The following PRKG1 variants were observed in gnomAD, a reference collection of about 807,000 sequenced individuals.
The protein encoded by PRKG1 is cGMP-dependent protein kinase 1.
Under a neutral mutation model 88.1 loss-of-function variants are expected in PRKG1, and 35 were observed. That is an observed-to-expected ratio of 0.40 (90% CI 0.30 to 0.53). PRKG1 has a LOEUF of 0.53. Among genes scored for constraint, PRKG1 ranks in the 20% least tolerant of loss-of-function variants. PRKG1 has a pLI of 0.59. For synonymous variants in PRKG1, 303 were observed against 292.5 expected (o/e 1.04, Z -0.37); for missense variants, 540 against 839.8 (o/e 0.64, Z 4.41).
intron 3 of PRKG1, among the ~76,000 whole-genome samples, chr10:51,485,245 T>C (rs1404900888): frequency 1.3e-5 from 2 of 152,222 alleles, no homozygotes; most frequent in African/African-American, 4.8e-5. Context: ...CTTGGTTAAC[T>C]GTAGTTACAT....
At chr10:52,021,155 TC>T (rs1401618457) in intron 5 of PRKG1, among the ~76,000 whole-genome samples, 2 of 152,174 alleles carry the variant, frequency 1.3e-5, no homozygotes, top group African/African-American at 4.8e-5. Flanking sequence ...CTACAAATTC[TC>T]AACTGCCAGA....
At chr10:51,982,420 G>T (rs546566740) in intron 5 of PRKG1, among the ~76,000 whole-genome samples, 2 of 152,144 alleles carry the variant, frequency 1.3e-5, no homozygotes, top group Non-Finnish European at 2.9e-5. Context: ...TTCTTGAGCT[G>T]GTTCTTTCTT....
At chr10:51,321,002 G>C (rs1399265374) in intron 2 of PRKG1, among the ~76,000 whole-genome samples, 1 of 152,114 alleles carries the variant, frequency 6.6e-6, no homozygotes, top group African/African-American at 2.4e-5. Flanking sequence ...GATAAGGTCA[G>C]ATACTTCAGA....
chr10:52,168,189 G>T (rs985009147), intron 9 of PRKG1, among the ~76,000 whole-genome samples: 1 of 152,170 alleles, frequency 6.6e-6, no homozygotes, highest in Non-Finnish European at 1.5e-5. Flanking sequence ...GGGGACTGAG[G>T]CATATGTTAA....
At chr10:52,128,557 C>A in intron 7 of PRKG1, 1 of 985,320 alleles carries the variant, frequency 1.0e-6, no homozygotes, top group South Asian at 4.7e-5. Flanking sequence ...TGCACGGAAA[C>A]CTATATTTGC....
rs566873905 is a variant in PRKG1 at position 51,994,620 on chromosome 10, A to G, written c.763-59864A>G. On this transcript the variant is annotated intron_variant, in intron 5 of 17. Coordinates refer to ENST00000373980, the MANE Select transcript of PRKG1 (RefSeq NM_006258.4). ...GAGAAAGACTGAGATGTCCTTAAGG[A>G]GCCTTAGTCCTTAGGTCCGTAGTGC... is the stretch of plus-strand genomic sequence containing the variant. Among the ~76,000 whole-genome samples, 3 of 152,230 alleles carry G rather than the reference A, an allele frequency of 2.0e-5. No individual in the cohort carries two copies. The South Asian group carries it at 6.2e-4, about 32-fold the overall frequency.
At chr10:51,138,021 T>C (rs1845729059) in intron 1 of PRKG1, among the ~76,000 whole-genome samples, 1 of 152,204 alleles carries the variant, frequency 6.6e-6, no homozygotes, top group Non-Finnish European at 1.5e-5. Flanking sequence ...TATGTATTGG[T>C]GGTTCCAAAA....
chr10:51,467,877 T>G (rs1444122523), intron 3 of PRKG1, 41 bp downstream of exon 3: 1 of 1,472,460 alleles, frequency 6.8e-7, no homozygotes, highest in Non-Finnish European at 9.5e-7. Flanking sequence ...TTCAATGTCT[T>G]TTCCCTAGGC....
At position 51,083,422 on chromosome 10, in the gene PRKG1, T is replaced by C. The variant is rs574570560; in HGVS notation, c.311+8521T>C. On this transcript the variant is annotated intron_variant, in intron 1 of 17. Transcript: ENST00000373980. ...CAGCTCCTGCTATCCAATGCTAAGT[T>C]GAAGGTGAAACAATGATGAGCGCCT... is the stretch of plus-strand genomic sequence containing the variant. 8.0e-4 allele frequency among the ~76,000 whole-genome samples: 122 copies of C among 152,236 alleles called. 1 individual carries two copies. Among genetic ancestry groups the C allele is most frequent in the African/African-American group, 2.9e-3 (120 of 41,534 alleles).
intron 5 of PRKG1, among the ~76,000 whole-genome samples, chr10:51,969,136 A>C (rs1224177309): frequency 2.0e-5 from 3 of 152,180 alleles, no homozygotes; most frequent in South Asian, 2.1e-4. Flanking sequence ...GTGTGTGCTC[A>C]ATTATGATAT....
intron 5 of PRKG1, among the ~76,000 whole-genome samples, chr10:52,040,532 T>C (rs549220925): frequency 3.9e-4 from 59 of 152,352 alleles, no homozygotes; most frequent in Non-Finnish European, 7.3e-4. Context: ...AAGTTTAAAA[T>C]AGATTTTTGG....
intron 3 of PRKG1, among the ~76,000 whole-genome samples, chr10:51,729,706 C>CAAAAAAAAAA (rs34900286): frequency 2.4e-4 from 7 of 28,774 alleles, no homozygotes; most frequent in African/African-American, 8.0e-4. Flanking sequence ...GACTCCATCT[C>CAAAAAAAAAA]AAAAAAAAAA....
At chr10:52,120,865 C>G (rs1847805242) in intron 7 of PRKG1, among the ~76,000 whole-genome samples, 1 of 152,190 alleles carries the variant, frequency 6.6e-6, no homozygotes, top group Non-Finnish European at 1.5e-5. Flanking sequence ...TAGGCATTGC[C>G]CTAGCAGTGG....
intron 7 of PRKG1, among the ~76,000 whole-genome samples, chr10:52,108,835 T>TC (rs541066300): frequency 0.17 from 25,056 of 148,792 alleles, 2,547 homozygotes; most frequent in South Asian, 0.28. Flanking sequence ...CTTTTTTTTT[T>TC]TTTTTTTTTG....
At chr10:51,434,997 T>G (rs1398120197) in intron 2 of PRKG1, among the ~76,000 whole-genome samples, 2 of 152,130 alleles carry the variant, frequency 1.3e-5, no homozygotes, top group Non-Finnish European at 2.9e-5. Context: ...ACTTTGTGTG[T>G]GCCGAAGAAC....
At chr10:51,135,583 G>A (rs1845666950) in intron 1 of PRKG1, among the ~76,000 whole-genome samples, 1 of 152,082 alleles carries the variant, frequency 6.6e-6, no homozygotes, top group Admixed American at 6.5e-5. Context: ...GTTTAGAGAA[G>A]GTTTGTGTAC....
At chr10:52,037,668 G>T (rs545390671) in intron 5 of PRKG1, among the ~76,000 whole-genome samples, 1 of 152,288 alleles carries the variant, frequency 6.6e-6, no homozygotes, top group East Asian at 1.9e-4. Flanking sequence ...CTTTTTAAGA[G>T]TAAATTGCTG....
intron 9 of PRKG1, among the ~76,000 whole-genome samples, chr10:52,218,210 C>CAAAAAAAAAA (rs35778588): frequency 1.0e-5 from 1 of 95,258 alleles, no homozygotes. Flanking sequence ...GACTCCATCT[C>CAAAAAAAAAA]AAAAAAAAAA....
chr10:52,171,319 G>T (rs1053821863), intron 9 of PRKG1, among the ~76,000 whole-genome samples: 1 of 152,102 alleles, frequency 6.6e-6, no homozygotes, highest in Non-Finnish European at 1.5e-5. Context: ...CTTCCAAAAT[G>T]GGAACGATAT....
Sources: allele counts gnomAD v4.1 joint callset (sites outside exome capture counted in the v4.1 genomes callset), GRCh38; gene constraint gnomAD v4.1.1; transcripts MANE v1.5; gene names NCBI Gene and HGNC (gene_info 2026-07-23, HGNC 2026-07-21).